ABCC4: variants seen among roughly 807,000 people sequenced by gnomAD.
The protein encoded by ABCC4 is ATP-binding cassette sub-family C member 4.
Under a neutral mutation model 168.5 loss-of-function variants are expected in ABCC4, and 102 were observed. That is an observed-to-expected ratio of 0.61 (90% CI 0.52 to 0.71). ABCC4 has a LOEUF of 0.71. Among genes scored for constraint, ABCC4 ranks in the 30% least tolerant of loss-of-function variants. The pLI, the probability that ABCC4 is intolerant of heterozygous loss-of-function variation, is 0.00. For synonymous variants in ABCC4, 617 were observed against 590.7 expected, an observed-to-expected ratio of 1.04 and a Z score of -0.65; for missense variants, 1,402 against 1,605.8, an observed-to-expected ratio of 0.87 and a Z score of 2.17.
chr13:95,074,855 T>C (rs945235876), intron 22 of ABCC4, among the ~76,000 whole-genome samples: 1 of 152,216 alleles, frequency 6.6e-6, no homozygotes, highest in Non-Finnish European at 1.5e-5. Flanking sequence ...ATGTGGTTTT[T>C]AAAGTGCCAT....
At chr13:95,101,969 T>A (rs2034825202) in intron 20 of ABCC4, among the ~76,000 whole-genome samples, 1 of 152,210 alleles carries the variant, frequency 6.6e-6, no homozygotes, top group Non-Finnish European at 1.5e-5. Context: ...ATGACTTCAT[T>A]TTATCCTCAC....
chr13:95,215,269 C>A (rs2039078324), intron 4 of ABCC4, among the ~76,000 whole-genome samples: 1 of 152,016 alleles, frequency 6.6e-6, no homozygotes, highest in Non-Finnish European at 1.5e-5. Flanking sequence ...AGGCATGGTG[C>A]CACACACTTG....
intron 5 of ABCC4, 23 bp downstream of exon 5, chr13:95,210,669 A>C (rs757898608): frequency 6.3e-7 from 1 of 1,592,500 alleles, no homozygotes; most frequent in East Asian, 2.2e-5. Flanking sequence ...GCAATGAAAA[A>C]GGATCCCTGA....
chr13:95,121,455 C>T (rs1274469291), intron 19 of ABCC4, among the ~76,000 whole-genome samples: 1 of 144,482 alleles, frequency 6.9e-6, no homozygotes, highest in Non-Finnish European at 1.5e-5. Context: ...GAGAAAAGGT[C>T]TCACTCTGTT....
chr13:95,096,294 TA>T (rs1457136840), intron 20 of ABCC4: 3 of 435,186 alleles, frequency 6.9e-6, no homozygotes, highest in Admixed American at 4.3e-5. Context: ...AAGACAAAAA[TA>T]AAAAAGACTG....
Position 95,209,420 on chromosome 13 carries a change from A to G in ABCC4, c.785+14T>C. The G allele has an allele frequency of 6.2e-7, 1 of 1,612,208 alleles. No individual in the cohort carries two copies. The highest frequency in any genetic ancestry group is 1.3e-5 in the African/African-American group (1 of 75,032). ...AAATACATATGACATTTTTCACAGC[A>G]GTATTTCTCTTACCTCAGTGATGAG... is the stretch of plus-strand genomic sequence containing the variant. On this transcript the variant is annotated intron_variant, in intron 6 of 30. Coordinates refer to ENST00000645237, the MANE Select transcript of ABCC4 (RefSeq NM_005845.5).
intron 19 of ABCC4, among the ~76,000 whole-genome samples, chr13:95,146,153 G>A (rs2036486788): frequency 6.6e-6 from 1 of 150,488 alleles, no homozygotes; most frequent in African/African-American, 2.4e-5. Context: ...GGAAGTTGCA[G>A]TGAGCCAAGA....
chr13:95,267,610 G>A (rs559589656), intron 1 of ABCC4, among the ~76,000 whole-genome samples: 109 of 152,336 alleles, frequency 7.2e-4, no homozygotes, highest in African/African-American at 2.5e-3. Flanking sequence ...AAGGAGTGGA[G>A]GGGAAGGAAG....
chr13:95,177,594 G>C (rs1349993445), intron 13 of ABCC4, 113 bp downstream of exon 13: 4 of 762,262 alleles, frequency 5.2e-6, no homozygotes, highest in Non-Finnish European at 8.4e-6. Flanking sequence ...GGACAGTGTG[G>C]GGAGGGGAGC....
chr13:95,218,850 GAAAAGAAAAA>G (rs1488454291), intron 4 of ABCC4, among the ~76,000 whole-genome samples: 19 of 126,892 alleles, frequency 1.5e-4, no homozygotes, highest in Admixed American at 4.0e-4. Context: ...AACCAAGAAA[GAAAAGAAAAA>G]AAAAGAAAAG....
intron 19 of ABCC4, among the ~76,000 whole-genome samples, chr13:95,136,189 G>T (rs2036138668): frequency 6.6e-6 from 1 of 151,992 alleles, no homozygotes; most frequent in African/African-American, 2.4e-5. Flanking sequence ...TTAGTGTTTT[G>T]AGACGGGGGT....
At chr13:95,127,874 A>G (rs1303819317) in intron 19 of ABCC4, among the ~76,000 whole-genome samples, 1 of 152,252 alleles carries the variant, frequency 6.6e-6, no homozygotes, top group African/African-American at 2.4e-5. Context: ...AGGAAACCTC[A>G]ATAACTGTCA....
At chr13:95,208,039 G>T in intron 6 of ABCC4, 114 bp from the exon 7 acceptor site, 1 of 1,068,348 alleles carries the variant, frequency 9.4e-7, no homozygotes, top group Admixed American at 2.5e-5. Context: ...TTTTGCTTCC[G>T]ACAACACAGA....
intron 29 of ABCC4, among the ~76,000 whole-genome samples, chr13:95,038,674 C>A (rs545997019): frequency 6.6e-6 from 1 of 152,208 alleles, no homozygotes; most frequent in Admixed American, 6.5e-5. Flanking sequence ...CTCTTGTTCA[C>A]TGTTGCATCT....
Position 95,053,094 on chromosome 13 carries a change from C to A in ABCC4, c.3456+1G>T, listed in dbSNP as rs1219879367. 3.1e-6 allele frequency: 5 copies of A among 1,610,088 alleles called. No homozygotes were observed. Among genetic ancestry groups the A allele is most frequent in the Non-Finnish European group, 3.4e-6 (4 of 1,176,340 alleles). On this transcript the variant is annotated splice_donor_variant, in intron 27 of 30. Transcript: ENST00000645237. LOFTEE classifies it high-confidence loss of function. The stretch of plus-strand genomic sequence containing the variant: ...AAAGATAATTACATTTTATCAATTA[C>A]CTCTTGTAAGGCATTCCACAGTTCC...
rs748169626 is a variant in ABCC4 at position 95,074,332 on chromosome 13, T to G, written c.2807-8A>C. The G allele has an allele frequency of 1.0e-5, 16 of 1,598,498 alleles. No individual in the cohort carries two copies. The highest frequency in any genetic ancestry group is 3.3e-4 in the Middle Eastern group (2 of 6,030). On this transcript the variant is annotated splice_polypyrimidine_tract_variant and splice_region_variant and intron_variant, in intron 22 of 30. Coordinates refer to ENST00000645237, the MANE Select transcript of ABCC4 (RefSeq NM_005845.5). ...AAAACAAGAACCAAGCCTCTGAATT[T>G]GAGAACGGTAATAAGCATGATGAAT... is the stretch of plus-strand genomic sequence containing the variant.
In ABCC4 at chr13:95,268,913, T is replaced by C. The variant is rs566434867; in HGVS notation, c.75-21160A>G. Among the ~76,000 whole-genome samples the C allele has an allele frequency of 2.0e-5, 3 of 152,210 alleles. No individual in the cohort carries two copies. The South Asian group carries it at 6.2e-4, about 32-fold the overall frequency. On this transcript the variant is annotated intron_variant, in intron 1 of 30. Transcript: ENST00000645237. Reference sequence around the variant, plus strand: ...CCCTGGGCCCACTTTTCTTTCTCTATACTTTGTCTCTGTGTCTCTTTCTTT... The same window carrying C: ...CCCTGGGCCCACTTTTCTTTCTCTACACTTTGTCTCTGTGTCTCTTTCTTT...
At chr13:95,084,464 TAAGAG>T (rs1409361596) in intron 20 of ABCC4, among the ~76,000 whole-genome samples, 4 of 152,194 alleles carry the variant, frequency 2.6e-5, no homozygotes, top group East Asian at 1.9e-4. Flanking sequence ...AAAGAATAGA[TAAGAG>T]AAATGTAATT....
In ABCC4 at chr13:95,260,571, A is replaced by G. The variant is rs570030100; in HGVS notation, c.75-12818T>C. ...CACAGTTTGAGCAAACTTTAGGAAA[A>G]GAATTTGGAGTTTACCAAGAAGACA... On this transcript the variant is annotated intron_variant, in intron 1 of 30. Transcript: ENST00000645237. 5.3e-5 allele frequency among the ~76,000 whole-genome samples: 8 copies of G among 152,284 alleles called. No individual in the cohort carries two copies. The East Asian group carries it at 5.8e-4, about 11-fold the overall frequency.
Sources: allele counts gnomAD v4.1 joint callset (sites outside exome capture counted in the v4.1 genomes callset), GRCh38; gene constraint gnomAD v4.1.1; transcripts MANE v1.5; gene names NCBI Gene and HGNC (gene_info 2026-07-23, HGNC 2026-07-21).